Variants in UNC79 observed in about 807,000 individuals in gnomAD.
The protein encoded by UNC79 is unc-79 subunit of NALCN channel complex.
Under a neutral mutation model 283.1 loss-of-function variants are expected in UNC79, and 37 were observed. The ratio of observed to expected loss-of-function variants is 0.13; its 90% CI spans 0.10 to 0.17. The LOEUF is 0.17. Ranked by LOEUF, UNC79 falls within the 10% of genes least tolerant of loss-of-function variation. The probability of loss-of-function intolerance (pLI) is 1.00; values close to 1 mark genes in which losing one functional copy is unlikely to be tolerated. For missense variants in UNC79, 2,272 were observed against 3,211.1 expected (o/e 0.71, Z 7.07); for synonymous variants, 1,107 against 1,200.2 (o/e 0.92, Z 1.61).
chr14:93,368,976 G>A (rs1388939369), intron 1 of UNC79, among the ~76,000 whole-genome samples: 2 of 152,170 alleles, frequency 1.3e-5, no homozygotes, highest in Non-Finnish European at 2.9e-5. Flanking sequence ...TGAGGTCACT[G>A]GAGAAGACAA....
intron 41 of UNC79, among the ~76,000 whole-genome samples, chr14:93,682,075 A>T (rs1206839519): frequency 6.6e-6 from 1 of 152,184 alleles, no homozygotes; most frequent in Non-Finnish European, 1.5e-5. Flanking sequence ...AAGTGTGTGA[A>T]AAGTCCTCTG....
Position 93,690,286 on chromosome 14 carries a change from T to A in UNC79, c.7255T>A (p.Phe2419Ile). The change falls in exon 45 of 49, where the codon TTT becomes ATT. Residue 2419 changes from phenylalanine to isoleucine, a missense_variant. Transcript: ENST00000555664. The surrounding 1 kb of genome is among the most constrained non-coding windows in gnomAD (Gnocchi z 4.3). ...CCATCTTATTGTTATCCTGATTGGA[T>A]TTCCAGAGCAATCAAAGGTAAGTGA... The A allele has an allele frequency of 6.2e-7, 1 of 1,613,708 alleles. No homozygotes were observed. The highest frequency in any genetic ancestry group is 8.5e-7 in the Non-Finnish European group (1 of 1,179,822).
rs1282868483 is a variant in UNC79 at position 93,580,256 on chromosome 14, C to T, written c.2541C>T (p.His847=). ...TCCAAGCCCCCTGGGGGGGATCCCA[C>T]ACCTGCCAGAAGGACGAAAAAGCAA... Residue 847 remains histidine, a synonymous_variant, in exon 19 of 49, where the codon CAC becomes CAT. Transcript: ENST00000555664. 3.1e-6 allele frequency: 5 copies of T among 1,614,190 alleles called. No individual in the cohort carries two copies. The East Asian group carries it at 1.1e-4, about 36-fold the overall frequency.
At chr14:93,618,315 G>T (rs2066881029) in exon 29 of UNC79, 1 of 1,613,494 alleles carries the variant, frequency 6.2e-7, no homozygotes, top group South Asian at 1.1e-5. Flanking sequence ...TTTGTACAGT[G>T]ACAACAGTAA....
Position 93,477,861 on chromosome 14 carries a change from A to G in UNC79, c.619+133A>G, listed in dbSNP as rs145317696. ...GATATATACAGGAGCTATGATTTCA[A>G]TTCAGTCACTTTAGCATGGATATTA... On this transcript the variant is annotated intron_variant, in intron 4 of 48. Coordinates refer to ENST00000555664, the Ensembl canonical transcript of UNC79. The G allele has an allele frequency of 2.2e-5, 18 of 835,296 alleles. No homozygotes were observed. The African/African-American group carries it at 2.9e-4, about 14-fold the overall frequency. The allele number at this position is 835,296 out of a possible 1,614,324, so 51.7% of individuals were successfully genotyped here.
rs111701151 is a variant in UNC79 at position 93,564,524 on chromosome 14, G to A, written c.1756-7370G>A. Among the ~76,000 whole-genome samples the A allele has an allele frequency of 9.3e-3, 1,417 of 152,264 alleles. 25 individuals are homozygous for A. The highest frequency in any genetic ancestry group is 0.032 in the African/African-American group (1,332 of 41,550). Reference sequence around the variant, plus strand: ...AACGTTGAAGGAGCAGGAGGACAGGGGATTGATCTCCCAAGGGAGGTCCCC... The same window carrying A: ...AACGTTGAAGGAGCAGGAGGACAGGAGATTGATCTCCCAAGGGAGGTCCCC... On this transcript the variant is annotated intron_variant, in intron 14 of 48. Coordinates refer to ENST00000555664, the Ensembl canonical transcript of UNC79.
chr14:93,558,593 A>ATTTTTTTTTT (rs71129647), intron 14 of UNC79, among the ~76,000 whole-genome samples: 12 of 62,776 alleles, frequency 1.9e-4, no homozygotes, highest in African/African-American at 8.1e-4. Context: ...AGAAACAGGG[A>ATTTTTTTTTT]TTTTTTTTTT....
chr14:93,498,510 G>C (rs1386313780), intron 7 of UNC79, among the ~76,000 whole-genome samples: 2 of 151,860 alleles, frequency 1.3e-5, no homozygotes, highest in East Asian at 3.9e-4. Flanking sequence ...AGAATCACTT[G>C]AACCTAGGAG....
intron 1 of UNC79, among the ~76,000 whole-genome samples, chr14:93,362,779 G>T (rs915408440): frequency 6.6e-6 from 1 of 152,152 alleles, no homozygotes; most frequent in Non-Finnish European, 1.5e-5. Flanking sequence ...GTTCACAGAA[G>T]TGTTTGTAAT....
At chr14:93,415,247 A>G (rs1420243274) in intron 1 of UNC79, among the ~76,000 whole-genome samples, 2 of 152,166 alleles carry the variant, frequency 1.3e-5, no homozygotes, top group Non-Finnish European at 2.9e-5. Context: ...GAATTTTGTC[A>G]AAGGCCTTTT....
At chr14:93,375,312 G>GTCAA (rs1462520152) in intron 1 of UNC79, among the ~76,000 whole-genome samples, 1 of 152,160 alleles carries the variant, frequency 6.6e-6, no homozygotes, top group Non-Finnish European at 1.5e-5. Flanking sequence ...AGCCCAAGAG[G>GTCAA]TCAAGGCTGC....
At chr14:93,351,415 AAAAT>A in intron 1 of UNC79, among the ~76,000 whole-genome samples, 1 of 152,260 alleles carries the variant, frequency 6.6e-6, no homozygotes, top group East Asian at 1.9e-4. Context: ...CTTGAAATAA[AAAAT>A]AAATAAATAG....
chr14:93,635,713 C>T (rs1401365574), intron 31 of UNC79, among the ~76,000 whole-genome samples: 1 of 152,182 alleles, frequency 6.6e-6, no homozygotes, highest in Non-Finnish European at 1.5e-5. Flanking sequence ...TTCAACTCTC[C>T]TGGACTTTAT....
intron 1 of UNC79, among the ~76,000 whole-genome samples, chr14:93,335,624 TG>T (rs2139861483): frequency 6.6e-6 from 1 of 152,352 alleles, no homozygotes; most frequent in Admixed American, 6.5e-5. Context: ...TCAGAGGAGA[TG>T]TTTCTTCTTA....
At chr14:93,624,143 C>T (rs1194145070) in intron 30 of UNC79, among the ~76,000 whole-genome samples, 1 of 152,142 alleles carries the variant, frequency 6.6e-6, no homozygotes. Context: ...ACACAAAAGC[C>T]ACTTCTAAGG....
intron 41 of UNC79, among the ~76,000 whole-genome samples, chr14:93,677,419 C>A (rs563672676): frequency 5.3e-5 from 8 of 152,322 alleles, no homozygotes; most frequent in African/African-American, 1.9e-4. Flanking sequence ...TCTTACATGG[C>A]AGCAGGCAAA....
At chr14:93,355,438 C>T (rs867530156) in intron 1 of UNC79, among the ~76,000 whole-genome samples, 1 of 152,126 alleles carries the variant, frequency 6.6e-6, no homozygotes, top group African/African-American at 2.4e-5. Context: ...ACCTCGTGAT[C>T]GGCCTGCCTT....
At chr14:93,572,839 C>A in intron 16 of UNC79, 23 bp downstream of exon 16, 1 of 1,611,150 alleles carries the variant, frequency 6.2e-7, no homozygotes, top group South Asian at 1.1e-5. Flanking sequence ...TACTTTCGAT[C>A]ATTTTAGGAA....
intron 2 of UNC79, among the ~76,000 whole-genome samples, chr14:93,471,899 G>A (rs1158412240): frequency 6.6e-6 from 1 of 152,068 alleles, no homozygotes; most frequent in Non-Finnish European, 1.5e-5. Flanking sequence ...AAATATCAAA[G>A]TAGAGTCTCC....
Sources: allele counts gnomAD v4.1 joint callset (sites outside exome capture counted in the v4.1 genomes callset), GRCh38; gene constraint gnomAD v4.1.1; non-coding constraint Gnocchi (gnomAD v3.1); transcripts MANE v1.5; gene names NCBI Gene and HGNC (gene_info 2026-07-23, HGNC 2026-07-21).